The following CLIC1 variants were observed in gnomAD, a reference collection of about 807,000 sequenced individuals.
The protein encoded by CLIC1 is chloride intracellular channel protein 1.
Under a neutral mutation model 26.4 loss-of-function variants are expected in CLIC1, and 16 were observed. The ratio of observed to expected loss-of-function variants is 0.61; its 90% CI spans 0.41 to 0.92. The LOEUF is 0.92. Ranked by LOEUF, CLIC1 falls within the 40% of genes least tolerant of loss-of-function variation. The pLI is 0.00. For missense variants in CLIC1, 225 were observed against 289.7 expected, an observed-to-expected ratio of 0.78 and a Z score of 1.62; for synonymous variants, 98 against 120.8, an observed-to-expected ratio of 0.81 and a Z score of 1.24.
rs371230070 is a variant in CLIC1, at chr6:31,734,751, G to A, written c.40-488C>T. 4.1e-4 allele frequency among the ~76,000 whole-genome samples: 62 copies of A among 152,258 alleles called. No homozygotes were observed. The highest frequency in any genetic ancestry group is 1.5e-5 in the Non-Finnish European group (1 of 68,008). On this transcript the variant is annotated intron_variant, in intron 1 of 5. Transcript: ENST00000375784. This position sits in a 1 kb window ranked among gnomAD's most constrained non-coding sequence, Gnocchi z 5.3. Reference sequence around the variant, plus strand: ...GCCCTGGGCCTCGCGCTAGAGATGTGGAGGGCCCTACAGAGAGGGGCTGCC... The same window carrying A: ...GCCCTGGGCCTCGCGCTAGAGATGTAGAGGGCCCTACAGAGAGGGGCTGCC...
At position 31,736,500 on chromosome 6, in the gene CLIC1, C is replaced by T. The variant is rs1808343016; in HGVS notation, c.-200G>A. On this transcript the variant is annotated 5_prime_UTR_variant, in exon 1 of 6. Transcript: ENST00000375784. This position sits in a 1 kb window ranked among gnomAD's most constrained non-coding sequence, Gnocchi z 5.0. ...CAACGCACCCCACACCCAGCTCCTCCAGCTCGGTCCTCTCCCGGGCTGGAT... is the reference window on the plus strand; with the variant it reads ...CAACGCACCCCACACCCAGCTCCTCTAGCTCGGTCCTCTCCCGGGCTGGAT... 3.6e-6 allele frequency: 5 copies of T among 1,396,564 alleles called. No individual in the cohort carries two copies. The highest frequency in any genetic ancestry group is 4.7e-6 in the Non-Finnish European group (5 of 1,074,932). 86.5% of individuals were successfully genotyped at this position (1,396,564 alleles called of 1,614,324 possible).
Position 31,730,734 on chromosome 6 carries a change from T to TTCCC in CLIC1, c.*104_*107dup. ...CCATCCCGGAACAAGTGCTCCAGGA[T>TTCCC]TCCCTGCCCACTGGCCATTTTGGAG... On this transcript the variant is annotated 3_prime_UTR_variant, in exon 6 of 6. Coordinates refer to ENST00000375784, the Ensembl canonical transcript of CLIC1. This position sits in a 1 kb window ranked among gnomAD's most constrained non-coding sequence, Gnocchi z 5.1. The TTCCC allele has an allele frequency of 8.4e-7, 1 of 1,188,918 alleles. No homozygotes were observed. Among genetic ancestry groups the TTCCC allele is most frequent in the Non-Finnish European group, 1.2e-6 (1 of 823,702 alleles). The allele number at this position is 1,188,918 out of a possible 1,614,324, so 73.6% of individuals were successfully genotyped here.
chr6:31,736,217 T>A lies in CLIC1; in HGVS notation c.39+45A>T, dbSNP rs780772385. On this transcript the variant is annotated intron_variant, in intron 1 of 5. Coordinates refer to ENST00000375784, the Ensembl canonical transcript of CLIC1. The surrounding 1 kb of genome is among the most constrained non-coding windows in gnomAD (Gnocchi z 5.0). ...GGCTGGACCGGGGGAAAGGTGAGAG[T>A]TGGCTTCCAGGAATTTGGGTGGCTG... is the stretch of plus-strand genomic sequence containing the variant. The A allele has an allele frequency of 6.2e-7, 1 of 1,602,716 alleles. No homozygotes were observed. The highest frequency in any genetic ancestry group is 1.7e-5 in the Admixed American group (1 of 59,820).
At chr6:31,736,584 G>C, upstream of CLIC1, 1 of 1,324,372 alleles carries the variant, frequency 7.6e-7, no homozygotes, top group South Asian at 2.0e-5. This position sits in a 1 kb window ranked among gnomAD's most constrained non-coding sequence, Gnocchi z 5.0. Context: ...GGACTGGAGG[G>C]GGGCGGGACT....
chr6:31,733,544 G>T lies in CLIC1; in HGVS notation c.382+22C>A. On this transcript the variant is annotated intron_variant, in intron 4 of 5. Transcript: ENST00000375784. The surrounding 1 kb of genome is among the most constrained non-coding windows in gnomAD (Gnocchi z 5.4). ...CCTCTCTATTCCTCCCAGGACCCAGGCCTCTGACCCACAAGACTCACTGTC... is the reference window on the plus strand; with the variant it reads ...CCTCTCTATTCCTCCCAGGACCCAGTCCTCTGACCCACAAGACTCACTGTC... 2 of 1,585,016 alleles carry T rather than the reference G, an allele frequency of 1.3e-6. No individual in the cohort carries two copies. Among genetic ancestry groups the T allele is most frequent in the Non-Finnish European group, 1.7e-6 (2 of 1,155,590 alleles).
chr6:31,731,236 A>G (rs973501178), intron 5 of CLIC1, among the ~76,000 whole-genome samples: 8 of 152,272 alleles, frequency 5.3e-5, no homozygotes, highest in African/African-American at 1.7e-4. Flanking sequence ...TTGAATTTCC[A>G]CAGTGACTTT....
chr6:31,733,511 C>G lies in CLIC1; in HGVS notation c.382+55G>C, dbSNP rs1808119133. 4 of 1,319,384 alleles carry G rather than the reference C, an allele frequency of 3.0e-6. No individual in the cohort carries two copies. Among genetic ancestry groups the G allele is most frequent in the Non-Finnish European group, 4.4e-6 (4 of 916,420 alleles). The allele number at this position is 1,319,384 out of a possible 1,614,324, so 81.7% of individuals were successfully genotyped here. A position where few individuals can be genotyped will look rare whatever the true frequency, so the allele number is the denominator to read the frequency against. ...CCAGGTGCCCCTAATGTCTCCTACC[C>G]GCTGGGTCCTCTCTATTCCTCCCAG... On this transcript the variant is annotated intron_variant, in intron 4 of 5. Coordinates refer to ENST00000375784, the Ensembl canonical transcript of CLIC1. The surrounding 1 kb of genome is among the most constrained non-coding windows in gnomAD (Gnocchi z 5.4).
upstream of CLIC1, chr6:31,736,953 A>T: frequency 1.0e-6 from 1 of 985,730 alleles, no homozygotes; most frequent in Non-Finnish European, 1.2e-6. The surrounding 1 kb of genome is among the most constrained non-coding windows in gnomAD (Gnocchi z 5.0). Flanking sequence ...GGGACTGCAG[A>T]TAGGAACCGT....
intron 5 of CLIC1, among the ~76,000 whole-genome samples, chr6:31,731,472 T>C (rs1462220690): frequency 1.3e-5 from 2 of 152,158 alleles, no homozygotes; most frequent in East Asian, 3.8e-4. Context: ...CGGCTAATTT[T>C]TGTAATTTTA....
At position 31,732,223 on chromosome 6, in the gene CLIC1, T is replaced by C. The variant is rs141018232; in HGVS notation, c.558A>G (p.Ile186Met). The C allele has an allele frequency of 6.5e-7, 1 of 1,547,618 alleles. No individual in the cohort carries two copies. The highest frequency in any genetic ancestry group is 8.7e-7 in the Non-Finnish European group (1 of 1,146,778). ...TCCCGCAATAACCACACACCTGTAC[T>C]ATGTGTAACTTTGGCAACAGGTTGC... The change falls in exon 5 of 6, where the codon ATA becomes ATG. Residue 186 changes from isoleucine to methionine, a missense_variant. By Grantham distance (10) the Ile-to-Met change is conservative (BLOSUM62 1). Coordinates refer to ENST00000375784, the Ensembl canonical transcript of CLIC1. This position sits in a 1 kb window ranked among gnomAD's most constrained non-coding sequence, Gnocchi z 5.0.
At position 31,734,171 on chromosome 6, in the gene CLIC1, G is replaced by A; in HGVS notation, c.132C>T (p.Thr44=). The A allele has an allele frequency of 6.2e-7, 1 of 1,613,338 alleles. No individual in the cohort carries two copies. Among genetic ancestry groups the A allele is most frequent in the Non-Finnish European group, 8.5e-7 (1 of 1,179,238 alleles). The change falls in exon 2 of 6, where the codon ACC becomes ACT. Residue 44 remains threonine (T), a synonymous_variant. Coordinates refer to ENST00000375784, the Ensembl canonical transcript of CLIC1. This position sits in a 1 kb window ranked among gnomAD's most constrained non-coding sequence, Gnocchi z 5.3. Reference sequence around the variant, plus strand: ...AGGCCTACCTTTTGGTGTCAACGGTGGTAACATTGAAGGTGACTCCCTTGA... The same window carrying A: ...AGGCCTACCTTTTGGTGTCAACGGTAGTAACATTGAAGGTGACTCCCTTGA...
chr6:31,733,557 A>G lies in CLIC1; in HGVS notation c.382+9T>C. 6 of 1,609,438 alleles carry G rather than the reference A, an allele frequency of 3.7e-6. No homozygotes were observed. The highest frequency in any genetic ancestry group is 5.1e-6 in the Non-Finnish European group (6 of 1,177,172). The stretch of plus-strand genomic sequence containing the variant: ...CCCAGGACCCAGGCCTCTGACCCAC[A>G]AGACTCACTGTCATTGAGTGCTGGG... On this transcript the variant is annotated intron_variant, in intron 4 of 5. Coordinates refer to ENST00000375784, the Ensembl canonical transcript of CLIC1. The surrounding 1 kb of genome is among the most constrained non-coding windows in gnomAD (Gnocchi z 5.4).
rs1007562349 is a variant in CLIC1, at chr6:31,733,046, C to T, written c.382+520G>A. Among the ~76,000 whole-genome samples the T allele has an allele frequency of 2.0e-5, 3 of 151,516 alleles. No individual in the cohort carries two copies. Among genetic ancestry groups the T allele is most frequent in the African/African-American group, 4.9e-5 (2 of 41,204 alleles). On this transcript the variant is annotated intron_variant, in intron 4 of 5. Transcript: ENST00000375784. The surrounding 1 kb of genome is among the most constrained non-coding windows in gnomAD (Gnocchi z 5.4). ...CTGAGGCAGGAGAATTGCTTGAACC[C>T]GGCAGGCAGAGGTTGCAGTGAGCTG...
At chr6:31,737,079 A>C (rs533984424), upstream of CLIC1, 10 of 297,070 alleles carry the variant, frequency 3.4e-5, no homozygotes, top group Non-Finnish European at 4.5e-5. Context: ...GGCCCAGCTC[A>C]GCACTAGGAC....
upstream of CLIC1, chr6:31,736,887 C>G: frequency 1.0e-6 from 1 of 985,762 alleles, no homozygotes; most frequent in Non-Finnish European, 1.2e-6. This position sits in a 1 kb window ranked among gnomAD's most constrained non-coding sequence, Gnocchi z 5.0. Context: ...GACTCCAATC[C>G]AAATTCTGGG....
Position 31,730,829 on chromosome 6 carries a change from T to G in CLIC1, c.*13A>C. The G allele has an allele frequency of 6.2e-7, 1 of 1,612,582 alleles. No homozygotes were observed. The highest frequency in any genetic ancestry group is 8.5e-7 in the Non-Finnish European group (1 of 1,179,816). On this transcript the variant is annotated 3_prime_UTR_variant, in exon 6 of 6. Coordinates refer to ENST00000375784, the Ensembl canonical transcript of CLIC1. The surrounding 1 kb of genome is among the most constrained non-coding windows in gnomAD (Gnocchi z 5.1). ...GAGAAAATGGAGGGGGTTGAGGGAG[T>G]CCCAGGAGGGGCTTATTTGAGGGCC...
Position 31,733,720 on chromosome 6 carries a change from CCTCAGCTAG to C in CLIC1, c.276-57_276-49del, listed in dbSNP as rs1228980735. 1 of 1,606,536 alleles carries C rather than the reference CCTCAGCTAG, an allele frequency of 6.2e-7. No homozygotes were observed. Among genetic ancestry groups the C allele is most frequent in the Admixed American group, 1.7e-5 (1 of 59,982 alleles). On this transcript the variant is annotated intron_variant, in intron 3 of 5. Transcript: ENST00000375784. The surrounding 1 kb of genome is among the most constrained non-coding windows in gnomAD (Gnocchi z 5.4). The stretch of plus-strand genomic sequence containing the variant: ...AGGTAAGATGTCTTCCTGGGAGGAA[CCTCAGCTAG>C]CTCTCCTGCCCCAGCCCCACCACCA...
In CLIC1 at chr6:31,732,366, C is replaced by T. The variant is rs1351553064; in HGVS notation, c.415G>A (p.Val139Ile). The T allele has an allele frequency of 1.3e-6, 2 of 1,565,996 alleles. No homozygotes were observed. The highest frequency in any genetic ancestry group is 1.9e-5 in the Admixed American group (1 of 52,344). Reference sequence around the variant, plus strand: ...GGGGATGTTAAGTAATTGTCTAAAACCTTCAGGGCTTTCAGGAGTCCCTTC... The same window carrying T: ...GGGGATGTTAAGTAATTGTCTAAAATCTTCAGGGCTTTCAGGAGTCCCTTC... Residue 139 changes from valine to isoleucine, a missense_variant, in exon 5 of 6, where the codon GTT becomes ATT. Val to Ile is a conservative substitution (Grantham distance 29, BLOSUM62 3). Coordinates refer to ENST00000375784, the Ensembl canonical transcript of CLIC1. The surrounding 1 kb of genome is among the most constrained non-coding windows in gnomAD (Gnocchi z 5.0).
rs189402145 is a variant in CLIC1, at chr6:31,735,229, A to G, written c.40-966T>C. Among the ~76,000 whole-genome samples, 81 of 151,852 alleles carry G rather than the reference A, an allele frequency of 5.3e-4. 1 individual carries two copies. Among genetic ancestry groups the G allele is most frequent in the Non-Finnish European group, 7.4e-4 (50 of 67,904 alleles). On this transcript the variant is annotated intron_variant, in intron 1 of 5. Coordinates refer to ENST00000375784, the Ensembl canonical transcript of CLIC1. ...GGGGGGAAGGGGAAAGAAAGGCGGC[A>G]GGAAAGTGGAGAGTGGGGAGACGTG... is the stretch of plus-strand genomic sequence containing the variant.
Sources: gnomAD v4.1 joint callset for allele counts (sites outside exome capture counted in the v4.1 genomes callset) on GRCh38, gnomAD v4.1.1 for gene constraint, Gnocchi (gnomAD v3.1) non-coding constraint, MANE v1.5 for transcripts, NCBI Gene and HGNC (gene_info 2026-07-23, HGNC 2026-07-21) for gene names.